Variants in LTF observed in about 807,000 individuals in gnomAD.
LTF encodes the protein lactotransferrin, also known as epididymis luminal protein 110.
LTF carries 91 observed loss-of-function variants against 87.2 expected under a neutral mutation model. That is an observed-to-expected ratio of 1.04 (90% CI 0.88 to 1.24). The LOEUF is 1.24. Among genes scored for constraint, LTF ranks in the 50% most tolerant of loss-of-function variants. LTF has a pLI of 0.00. For synonymous variants in LTF, 378 were observed against 356.1 expected (o/e 1.06, Z -0.69); for missense variants, 901 against 904.3 (o/e 1.00, Z 0.05).
At chr3:46,447,172 T>G in intron 10 of LTF, 136 bp downstream of exon 10, 1 of 675,774 alleles carries the variant, frequency 1.5e-6, no homozygotes, top group Non-Finnish European at 2.6e-6. Flanking sequence ...CCCTTTCATT[T>G]CTTCTTTCCC....
chr3:46,475,207 AAAAC>A (rs1703344519), intron 1 of LTF, among the ~76,000 whole-genome samples: 1 of 152,204 alleles, frequency 6.6e-6, no homozygotes, highest in Admixed American at 6.5e-5. Context: ...TTTCTCCAAA[AAAAC>A]AAACTATTGC....
intron 1 of LTF, among the ~76,000 whole-genome samples, chr3:46,463,158 C>A (rs1410450615): frequency 1.3e-5 from 2 of 152,216 alleles, no homozygotes; most frequent in Non-Finnish European, 2.9e-5. Context: ...TTCAACCCCA[C>A]ACTTGTATTC....
intron 1 of LTF, among the ~76,000 whole-genome samples, chr3:46,484,374 G>C (rs2106934432): frequency 6.6e-6 from 1 of 152,272 alleles, no homozygotes; most frequent in East Asian, 1.9e-4. Flanking sequence ...TTGATCCTCA[G>C]CCATCTCCGT....
intron 1 of LTF, among the ~76,000 whole-genome samples, chr3:46,481,380 G>A (rs765679060): frequency 7.9e-5 from 12 of 152,220 alleles, no homozygotes; most frequent in Non-Finnish European, 1.6e-4. Flanking sequence ...ACAGGGCTAG[G>A]TGTGGTGGTT....
At chr3:46,453,276 T>C (rs1003552691) in intron 6 of LTF, among the ~76,000 whole-genome samples, 3 of 152,210 alleles carry the variant, frequency 2.0e-5, no homozygotes, top group Non-Finnish European at 4.4e-5. Flanking sequence ...GAACTATCTA[T>C]TGCATTACAA....
intron 1 of LTF, 150 bp downstream of exon 1, chr3:46,464,675 G>C: frequency 1.3e-6 from 1 of 772,236 alleles, no homozygotes. Context: ...CTGGCCCCGC[G>C]TCCGGGCCGC....
intron 1 of LTF, among the ~76,000 whole-genome samples, chr3:46,481,394 A>C (rs1165896909): frequency 6.6e-6 from 1 of 152,170 alleles, no homozygotes; most frequent in Non-Finnish European, 1.5e-5. Context: ...GGTGGTTCAC[A>C]CTTGTAATCC....
intron 1 of LTF, among the ~76,000 whole-genome samples, chr3:46,471,959 T>C (rs1703295021): frequency 6.6e-6 from 1 of 152,158 alleles, no homozygotes; most frequent in Non-Finnish European, 1.5e-5. Flanking sequence ...GATGCTGTCA[T>C]GTTAGCCAAT....
At chr3:46,447,589 T>C (rs1266392685) in intron 9 of LTF, among the ~76,000 whole-genome samples, 191 bp from the exon 10 acceptor site, 1 of 152,172 alleles carries the variant, frequency 6.6e-6, no homozygotes, top group African/African-American at 2.4e-5. Context: ...CCTGCCTACT[T>C]TCTGGGCTGT....
At chr3:46,450,722 A>G (rs1340349306) in intron 6 of LTF, 49 bp from the exon 7 acceptor site, 1 of 1,495,568 alleles carries the variant, frequency 6.7e-7, no homozygotes, top group Non-Finnish European at 9.3e-7. Flanking sequence ...CGACTCCAGC[A>G]GTAACCTCGA....
chr3:46,482,141 C>T (rs1703439326), intron 1 of LTF, among the ~76,000 whole-genome samples: 1 of 152,068 alleles, frequency 6.6e-6, no homozygotes. Context: ...TGACACACAC[C>T]TAAGTTTAGT....
chr3:46,446,675 T>A (rs942038400), intron 10 of LTF, among the ~76,000 whole-genome samples, 182 bp from the exon 11 acceptor site: 4 of 152,190 alleles, frequency 2.6e-5, no homozygotes, highest in Non-Finnish European at 5.9e-5. Context: ...GCTGCATTAT[T>A]CACCACAGCC....
At chr3:46,459,580 C>T (rs761108540) in intron 2 of LTF, 76 bp downstream of exon 2, 67 of 1,318,148 alleles carry the variant, frequency 5.1e-5, no homozygotes, top group Non-Finnish European at 6.4e-5. Context: ...GTAAGGAGAG[C>T]TCGTGTTCTA....
intron 15 of LTF, 59 bp from the exon 16 acceptor site, chr3:46,438,188 G>A: frequency 2.9e-6 from 4 of 1,383,960 alleles, no homozygotes; most frequent in Non-Finnish European, 4.1e-6. Context: ...TGGGTTAAAG[G>A]AGGCAAAGGG....
chr3:46,463,725 C>T, intron 1 of LTF: 2 of 887,648 alleles, frequency 2.3e-6, no homozygotes, highest in Non-Finnish European at 2.7e-6. Context: ...TCCTGCCCCT[C>T]CCAGGTGGCC....
At position 46,459,715 on chromosome 3, in the gene LTF, C is replaced by T. The variant is rs17855496; in HGVS notation, c.148G>A (p.Gly50Ser). 8.9e-5 allele frequency: 140 copies of T among 1,579,504 alleles called. 1 individual carries two copies. The East Asian group carries it at 2.2e-3, about 25-fold the overall frequency. ...CTCTTTATGCAGCTGACAGGAGGGCCACGCACTTTTCTCATATTCCTTTGC... is the reference window on the plus strand; with the variant it reads ...CTCTTTATGCAGCTGACAGGAGGGCTACGCACTTTTCTCATATTCCTTTGC... ...QWQRNMRKVRGPPVSCIKRDS... is the reference protein window; with the variant it reads ...QWQRNMRKVRSPPVSCIKRDS... The change falls in exon 2 of 17, where the codon GGC (glycine) becomes AGC (serine). Residue 50 changes from glycine to serine, a missense_variant. Physicochemically the swap from Gly to Ser is moderately conservative, Grantham distance 56. Transcript: ENST00000231751.
At chr3:46,451,673 C>A (rs1236090284) in intron 6 of LTF, among the ~76,000 whole-genome samples, 3 of 152,206 alleles carry the variant, frequency 2.0e-5, no homozygotes, top group African/African-American at 4.8e-5. Flanking sequence ...CAGCTCACTG[C>A]ATCCTCCATC....
chr3:46,463,349 C>A, intron 1 of LTF: 1 of 555,660 alleles, frequency 1.8e-6, no homozygotes, highest in South Asian at 7.9e-5. Context: ...GATGGGAAAC[C>A]TCATGAGTGC....
intron 6 of LTF, among the ~76,000 whole-genome samples, chr3:46,451,549 GT>G (rs1300190041): frequency 1.3e-5 from 2 of 150,908 alleles, no homozygotes; most frequent in African/African-American, 4.9e-5. Context: ...TTTGTGTGTG[GT>G]TTTTTTTTCA....
Sources: allele counts gnomAD v4.1 joint callset (sites outside exome capture counted in the v4.1 genomes callset), GRCh38; gene constraint gnomAD v4.1.1; transcripts MANE v1.5; gene names NCBI Gene and HGNC (gene_info 2026-07-23, HGNC 2026-07-21).